PREPL: variants seen among roughly 807,000 people sequenced by gnomAD.
The protein encoded by PREPL is prolyl endopeptidase like, also known as prolyl endopeptidase-like.
In PREPL, 77 loss-of-function variants were observed where a neutral mutation model predicts 70.6. That is an observed-to-expected ratio of 1.09 (90% CI 0.91 to 1.32). The LOEUF is 1.32. PREPL is among the 40% of genes most tolerant of loss of function. The pLI is 0.00. For missense variants in PREPL, 1,002 were observed against 778.2 expected, an observed-to-expected ratio of 1.29 and a Z score of -3.42; for synonymous variants, 315 against 264.8, an observed-to-expected ratio of 1.19 and a Z score of -1.84.
At chr2:44,354,577 T>TC (rs1312015258) in intron 1 of PREPL, among the ~76,000 whole-genome samples, 2 of 143,952 alleles carry the variant, frequency 1.4e-5, no homozygotes. Context: ...TTTCCTCCTC[T>TC]CTTTTTTTTT....
intron 1 of PREPL, among the ~76,000 whole-genome samples, chr2:44,354,411 G>C (rs1188705234): frequency 6.6e-6 from 1 of 152,124 alleles, no homozygotes. Context: ...GACAGGAAAA[G>C]TTTAAAATGA....
Position 44,318,939 on chromosome 2 carries a change from C to G in PREPL, c.*2417G>C, listed in dbSNP as rs1241569955. 1 of 152,116 alleles carries G rather than the reference C, an allele frequency of 6.6e-6. No individual in the cohort carries two copies. Among genetic ancestry groups the G allele is most frequent in the African/African-American group, 2.4e-5 (1 of 41,428 alleles). The allele number at this position is 152,116 out of a possible 1,614,324, so 9.4% of individuals were successfully genotyped here. A position where few individuals can be genotyped will look rare whatever the true frequency, so the allele number is the denominator to read the frequency against. On this transcript the variant is annotated 3_prime_UTR_variant, in exon 14 of 14. Transcript: ENST00000409411. ...TGCAAAATCAACAAATCTGCAATTA[C>G]AGAAAAAGACTTCAACATACTTTTA...
At chr2:44,341,597 G>A (rs1015935438) in intron 5 of PREPL, among the ~76,000 whole-genome samples, 1 of 151,920 alleles carries the variant, frequency 6.6e-6, no homozygotes, top group African/African-American at 2.4e-5. Context: ...AGTGGCTCTA[G>A]GGTAAAATGT....
chr2:44,343,704 T>G, intron 4 of PREPL, 41 bp downstream of exon 4: 1 of 1,547,842 alleles, frequency 6.5e-7, no homozygotes, highest in Non-Finnish European at 8.9e-7. Context: ...AGTGTTACCG[T>G]TGCCTTTCAA....
intron 9 of PREPL, among the ~76,000 whole-genome samples, chr2:44,327,533 G>A (rs1479418492): frequency 2.0e-5 from 3 of 152,082 alleles, no homozygotes; most frequent in African/African-American, 7.2e-5. Flanking sequence ...CATGTATAAG[G>A]GCAAGGAGGT....
chr2:44,354,005 A>C (rs1295457326), intron 1 of PREPL, among the ~76,000 whole-genome samples: 1 of 152,106 alleles, frequency 6.6e-6, no homozygotes, highest in Non-Finnish European at 1.5e-5. Flanking sequence ...CACACACACA[A>C]AAAATCAAAA....
chr2:44,327,400 G>A (rs1045680858), intron 9 of PREPL, among the ~76,000 whole-genome samples: 12 of 152,206 alleles, frequency 7.9e-5, no homozygotes, highest in African/African-American at 2.2e-4. Flanking sequence ...CCAGGTGAGG[G>A]GTATATACAC....
chr2:44,361,762 C>T (rs1036287148), upstream of PREPL: 2 of 545,796 alleles, frequency 3.7e-6, no homozygotes. Flanking sequence ...ACAGCTCTCT[C>T]ATCCTCTGGT....
At position 44,326,887 on chromosome 2, in the gene PREPL, C is replaced by T. The variant is rs768429131; in HGVS notation, c.1304G>A (p.Arg435His). 46 of 1,614,130 alleles carry T rather than the reference C, an allele frequency of 2.8e-5. No individual in the cohort carries two copies. In the East Asian group the frequency reaches 4.9e-4, roughly 17 times the overall value. The change falls in exon 10 of 14, where the codon CGC becomes CAC. Residue 435 changes from arginine to histidine, a missense_variant. Arg to His is a conservative substitution (Grantham distance 29). Transcript: ENST00000409411. ...ELGLQWHADG[R>H]LTKKLNGLAD... ...AAGGCCATTGAGTTTTTTAGTTAGG[C>T]GGCCATCAGCGTGCCACTGGAGGCC... is the stretch of plus-strand genomic sequence containing the variant.
intron 1 of PREPL, chr2:44,359,802 C>G: frequency 3.3e-6 from 3 of 914,556 alleles, no homozygotes; most frequent in Non-Finnish European, 5.1e-6. Flanking sequence ...AGTGGGTTCT[C>G]AGAGTAACTA....
rs186692171 is a variant in PREPL at position 44,319,204 on chromosome 2, A to G, written c.*2152T>C. On this transcript the variant is annotated 3_prime_UTR_variant, in exon 14 of 14. Coordinates refer to ENST00000409411, the MANE Select transcript of PREPL (RefSeq NM_001171613.2). Reference sequence around the variant, plus strand: ...ATTGGGAACCTACCCCTAAAGAACAATAACAACCACAATAACAACTATCAC... The same window carrying G: ...ATTGGGAACCTACCCCTAAAGAACAGTAACAACCACAATAACAACTATCAC... 1 of 152,782 alleles carries G rather than the reference A, an allele frequency of 6.5e-6. No individual in the cohort carries two copies. The highest frequency in any genetic ancestry group is 1.9e-4 in the East Asian group (1 of 5,188). 9.5% of individuals were successfully genotyped at this position (152,782 alleles called of 1,614,324 possible).
rs547451455 is a variant in PREPL at position 44,352,743 on chromosome 2, GA to G, written c.-48-6354del. ...ATTCAGACAGCATAAAACATAAAAT[GA>G]AAAAAACATATTTAACAAAAGATAT... On this transcript the variant is annotated intron_variant, in intron 1 of 13. Coordinates refer to ENST00000409411, the MANE Select transcript of PREPL (RefSeq NM_001171613.2). Among the ~76,000 whole-genome samples the G allele has an allele frequency of 1.0e-3, 156 of 151,334 alleles. 1 individual carries two copies. The highest frequency in any genetic ancestry group is 3.7e-3 in the African/African-American group (154 of 41,232).
chr2:44,343,565 A>G (rs1675453924), intron 4 of PREPL, among the ~76,000 whole-genome samples, 180 bp downstream of exon 4: 1 of 152,208 alleles, frequency 6.6e-6, no homozygotes, highest in African/African-American at 2.4e-5. Flanking sequence ...TTACCCATCT[A>G]GATATATAAT....
intron 10 of PREPL, among the ~76,000 whole-genome samples, chr2:44,325,317 C>T (rs974335998): frequency 6.6e-6 from 1 of 152,204 alleles, no homozygotes; most frequent in Non-Finnish European, 1.5e-5. Flanking sequence ...ACAGCTATAT[C>T]CAGCTCTAGA....
chr2:44,333,626 T>TA (rs11404335), intron 7 of PREPL, among the ~76,000 whole-genome samples: 106,589 of 148,764 alleles, frequency 0.72, 38,611 homozygotes, highest in Non-Finnish European at 0.78. Context: ...CTCTTATTAA[T>TA]AAAAAAAAAA....
intron 11 of PREPL, 143 bp from the exon 12 acceptor site, chr2:44,322,997 A>G: frequency 1.7e-6 from 2 of 1,148,642 alleles, no homozygotes; most frequent in Admixed American, 2.6e-5. Flanking sequence ...AGAGCGCCTC[A>G]GTATTACAGT....
At chr2:44,352,959 C>T (rs1322853520) in intron 1 of PREPL, among the ~76,000 whole-genome samples, 1 of 152,126 alleles carries the variant, frequency 6.6e-6, no homozygotes, top group Non-Finnish European at 1.5e-5. Context: ...AGAAAAGATG[C>T]TCACTGGCCA....
At position 44,319,936 on chromosome 2, in the gene PREPL, G is replaced by C. The variant is rs1293851801; in HGVS notation, c.*1420C>G. On this transcript the variant is annotated 3_prime_UTR_variant, in exon 14 of 14. Transcript: ENST00000409411. ...GGACTCCTAAAGTGGAGTCAAATTTGATCTCTACAGAAACTCTACAATGTA... is the reference window on the plus strand; with the variant it reads ...GGACTCCTAAAGTGGAGTCAAATTTCATCTCTACAGAAACTCTACAATGTA... The C allele has an allele frequency of 5.0e-6, 2 of 401,996 alleles. No homozygotes were observed. Among genetic ancestry groups the C allele is most frequent in the African/African-American group, 4.1e-5 (2 of 49,172 alleles). The allele number at this position is 401,996 out of a possible 1,614,324, so 24.9% of individuals were successfully genotyped here.
intron 1 of PREPL, among the ~76,000 whole-genome samples, chr2:44,346,834 A>C (rs1675881356): frequency 6.6e-6 from 1 of 152,116 alleles, no homozygotes. Flanking sequence ...ATATCAAAGA[A>C]GTGGAAGACA....
Sources: gnomAD v4.1 joint callset for allele counts (sites outside exome capture counted in the v4.1 genomes callset) on GRCh38, gnomAD v4.1.1 for gene constraint, MANE v1.5 for transcripts, NCBI Gene and HGNC (gene_info 2026-07-23, HGNC 2026-07-21) for gene names.